Variants in EDARADD observed in about 807,000 individuals in gnomAD.
The protein encoded by EDARADD is EDAR associated via death domain.
A neutral mutation model predicts 25.6 loss-of-function variants in EDARADD; 20 were observed. The ratio of observed to expected loss-of-function variants is 0.78; its 90% CI spans 0.55 to 1.14. The LOEUF is 1.14. Ranked by LOEUF, EDARADD falls within the 50% of genes most tolerant of loss-of-function variation. The pLI is 0.00. For missense variants in EDARADD, 225 were observed against 270.1 expected, an observed-to-expected ratio of 0.83 and a Z score of 1.17; for synonymous variants, 86 against 94.4, an observed-to-expected ratio of 0.91 and a Z score of 0.52.
intron 4 of EDARADD, among the ~76,000 whole-genome samples, chr1:236,465,193 A>G (rs916147484): frequency 3.3e-5 from 5 of 151,942 alleles, no homozygotes; most frequent in South Asian, 2.1e-4. Flanking sequence ...TCACCTCCAC[A>G]TGTCCTGTTC....
intron 4 of EDARADD, among the ~76,000 whole-genome samples, chr1:236,455,697 A>G (rs1268526811): frequency 6.6e-6 from 1 of 152,252 alleles, no homozygotes; most frequent in African/African-American, 2.4e-5. Flanking sequence ...GGTTCTCAAA[A>G]CAAGCGGTGA....
At chr1:236,457,430 G>A (rs1438296879) in intron 4 of EDARADD, among the ~76,000 whole-genome samples, 1 of 152,018 alleles carries the variant, frequency 6.6e-6, no homozygotes, top group African/African-American at 2.4e-5. Context: ...TGGGAGGATG[G>A]CTTGAGCTCT....
intron 1 of EDARADD, among the ~76,000 whole-genome samples, chr1:236,396,893 A>G (rs993691565): frequency 3.4e-5 from 5 of 144,944 alleles, no homozygotes; most frequent in African/African-American, 1.3e-4. Flanking sequence ...TGAGAACTGA[A>G]TTGACAAGGT....
At position 236,482,642 on chromosome 1, in the gene EDARADD, AC is replaced by A. The variant is rs780323827; in HGVS notation, c.642del (p.Phe215SerfsTer24). 6.2e-7 allele frequency: 1 copy of A among 1,611,750 alleles called. No individual in the cohort carries two copies. The highest frequency in any genetic ancestry group is 1.3e-5 in the African/African-American group (1 of 74,870). The part of the protein sequence containing the change: ...PKRERGDPSR[H>X]F The stretch of plus-strand genomic sequence containing the variant: ...CGGGAGCGTGGAGACCCCTCCAGGC[AC>A]TTCTAGAGCTCTTCTTCTTCCTTCA... On this transcript the variant is annotated frameshift_variant, in exon 6 of 6. Coordinates refer to ENST00000334232, the MANE Select transcript of EDARADD (RefSeq NM_145861.4). LOFTEE classifies it high-confidence loss of function.
chr1:236,366,741 C>CTCTTTTTTTT (rs146073425), intron 3 of EDARADD, among the ~76,000 whole-genome samples: 1 of 144,286 alleles, frequency 6.9e-6, no homozygotes, highest in Non-Finnish European at 1.5e-5. Flanking sequence ...TCATCTCTCT[C>CTCTTTTTTTT]TTTTTTTTGT....
Position 236,483,080 on chromosome 1 carries a change from C to A in EDARADD, c.*431C>A. 1.1e-6 allele frequency: 1 copy of A among 899,888 alleles called. No individual in the cohort carries two copies. Among genetic ancestry groups the A allele is most frequent in the South Asian group, 1.5e-5 (1 of 67,272 alleles). 55.7% of individuals were successfully genotyped at this position (899,888 alleles called of 1,614,324 possible). ...GCCATTCCCACGGTTTCAAAGAAAA[C>A]AGCTACAAGGAATGCTTACCTGAGT... On this transcript the variant is annotated 3_prime_UTR_variant, in exon 6 of 6. Transcript: ENST00000334232.
chr1:236,467,414 GCACACACACGCGCACACACA>G (rs1558134884), intron 4 of EDARADD, among the ~76,000 whole-genome samples: 1 of 101,318 alleles, frequency 9.9e-6, no homozygotes, highest in Non-Finnish European at 1.8e-5. Flanking sequence ...TTCATGGGAA[GCACACACACGCGCACACACA>G]CACACACACA....
intron 4 of EDARADD, among the ~76,000 whole-genome samples, chr1:236,456,885 G>A (rs893997840): frequency 3.3e-5 from 5 of 152,044 alleles, no homozygotes; most frequent in African/African-American, 4.8e-5. Flanking sequence ...AAGCATTTTG[G>A]TGATGCTCTT....
intron 4 of EDARADD, among the ~76,000 whole-genome samples, chr1:236,467,305 G>C (rs1338378397): frequency 6.6e-6 from 1 of 151,750 alleles, no homozygotes; most frequent in African/African-American, 2.4e-5. Flanking sequence ...GGGTGGGGGT[G>C]GGGTGGGGGG....
chr1:236,481,902 A>G (rs1659685898), intron 5 of EDARADD, among the ~76,000 whole-genome samples: 1 of 151,976 alleles, frequency 6.6e-6, no homozygotes, highest in African/African-American at 2.4e-5. Context: ...TCACAAGGTC[A>G]GGAGATCGAG....
At chr1:236,448,976 A>G (rs750290104) in intron 4 of EDARADD, among the ~76,000 whole-genome samples, 2 of 152,148 alleles carry the variant, frequency 1.3e-5, no homozygotes, top group Admixed American at 1.3e-4. Context: ...ACAGAGATTT[A>G]TGGTCTCCCA....
intron 5 of EDARADD, among the ~76,000 whole-genome samples, chr1:236,474,273 C>A (rs952049392): frequency 6.6e-6 from 1 of 152,126 alleles, no homozygotes; most frequent in Non-Finnish European, 1.5e-5. Flanking sequence ...TGACAGTTAC[C>A]GTGATGATAA....
intron 5 of EDARADD, 83 bp downstream of exon 5, chr1:236,468,359 C>T (rs976095233): frequency 1.6e-5 from 23 of 1,449,446 alleles, no homozygotes; most frequent in Admixed American, 1.2e-4. Context: ...GTCGGTGACT[C>T]ATGCCTGTAA....
At chr1:236,458,841 C>T (rs1658957331) in intron 4 of EDARADD, among the ~76,000 whole-genome samples, 1 of 151,844 alleles carries the variant, frequency 6.6e-6, no homozygotes, top group Non-Finnish European at 1.5e-5. Context: ...ATGGGTTTCA[C>T]CGTGTTGGTT....
chr1:236,409,983 C>T (rs1296140904), intron 2 of EDARADD, among the ~76,000 whole-genome samples: 1 of 152,132 alleles, frequency 6.6e-6, no homozygotes, highest in East Asian at 1.9e-4. Context: ...CCTTCTGAGC[C>T]ACATCCTCTC....
chr1:236,465,008 CTTG>C (rs760800631), intron 4 of EDARADD, among the ~76,000 whole-genome samples: 2 of 152,178 alleles, frequency 1.3e-5, no homozygotes, highest in Admixed American at 6.5e-5. Context: ...TGAGCCTGCC[CTTG>C]TTGTCTTCTC....
chr1:236,398,295 T>C lies in EDARADD; in HGVS notation c.61+3790T>C, dbSNP rs1227728792. Among the ~76,000 whole-genome samples the C allele has an allele frequency of 6.6e-6, 1 of 152,128 alleles. No homozygotes were observed. Among genetic ancestry groups the C allele is most frequent in the Non-Finnish European group, 1.5e-5 (1 of 68,020 alleles). On this transcript the variant is annotated intron_variant, in intron 1 of 5. Transcript: ENST00000334232. The surrounding 1 kb of genome is among the most constrained non-coding windows in gnomAD (Gnocchi z 4.1). ...GCACACTACCACACCTGGCTAATTT[T>C]TTGTATTTTTAGGCTGGTCTCGAAC...
rs1283161442 is a variant in EDARADD at position 236,386,203 on chromosome 1, G to A, written c.-5-23013G>A. 1.2e-4 allele frequency among the ~76,000 whole-genome samples: 4 copies of A among 33,446 alleles called. 2 individuals carry two copies. The highest frequency in any genetic ancestry group is 2.8e-4 in the Non-Finnish European group (4 of 14,482). The allele number at this position is 33,446 out of a possible 152,430, so 21.9% of individuals were successfully genotyped here. A position where few individuals can be genotyped will look rare whatever the true frequency, so the allele number is the denominator to read the frequency against. On this transcript the variant is annotated intron_variant, in intron 3 of 7. Coordinates refer to the EDARADD transcript ENST00000439430. ...GTGCCGGGATTGCAGACGGAGTCTC[G>A]TTCACTCAGTGCTCAATGGTGCCCA...
chr1:236,425,879 G>T (rs970276541), intron 3 of EDARADD, among the ~76,000 whole-genome samples: 3 of 152,224 alleles, frequency 2.0e-5, no homozygotes, highest in Non-Finnish European at 4.4e-5. Context: ...TTAGCCGAGA[G>T]CAGTTAATGA....
Sources: allele counts gnomAD v4.1 joint callset (sites outside exome capture counted in the v4.1 genomes callset), GRCh38; gene constraint gnomAD v4.1.1; non-coding constraint Gnocchi (gnomAD v3.1); transcripts MANE v1.5; gene names NCBI Gene and HGNC (gene_info 2026-07-23, HGNC 2026-07-21).